VWA8: variants seen among roughly 807,000 people sequenced by gnomAD.
VWA8 encodes von Willebrand factor A domain containing 8.
In VWA8, 221 loss-of-function variants were observed where a neutral mutation model predicts 241.5. The observed-to-expected ratio is 0.91, with a 90% CI of 0.82 to 1.02. VWA8 has a LOEUF of 1.02. VWA8 is among the 50% of genes least tolerant of loss of function. The pLI, the probability that VWA8 is intolerant of heterozygous loss-of-function variation, is 0.00. For synonymous variants in VWA8, 852 were observed against 827.1 expected (o/e 1.03, Z -0.52); for missense variants, 2,322 against 2,328.7 (o/e 1.00, Z 0.06).
intron 3 of VWA8, among the ~76,000 whole-genome samples, chr13:41,908,220 C>T (rs527801703): frequency 6.6e-6 from 1 of 152,318 alleles, no homozygotes; most frequent in South Asian, 2.1e-4. Flanking sequence ...AATCCCAGCA[C>T]TTTGGGAGGC....
intron 44 of VWA8, 103 bp from the exon 45 acceptor site, chr13:41,568,408 A>G: frequency 1.2e-6 from 1 of 847,914 alleles, no homozygotes; most frequent in Non-Finnish European, 1.9e-6. Context: ...TTAGGAAAGG[A>G]AGTTTTTACT....
At chr13:41,787,626 A>ACG (rs1202638137) in intron 17 of VWA8, 83 bp from the exon 18 acceptor site, 2 of 791,792 alleles carry the variant, frequency 2.5e-6, no homozygotes, top group East Asian at 5.1e-5. Context: ...ACACACACAC[A>ACG]CACACACACA....
intron 21 of VWA8, among the ~76,000 whole-genome samples, chr13:41,737,015 T>C (rs2045531038): frequency 6.6e-6 from 1 of 151,960 alleles, no homozygotes; most frequent in South Asian, 2.1e-4. Context: ...GGCTGATTTT[T>C]GTATTCACCA....
At chr13:41,877,633 A>G (rs549770895) in intron 9 of VWA8, among the ~76,000 whole-genome samples, 26 of 152,236 alleles carry the variant, frequency 1.7e-4, no homozygotes, top group Non-Finnish European at 2.9e-4. Flanking sequence ...ACTATGGCTC[A>G]GATTACATTA....
rs557765408 is a variant in VWA8, at chr13:41,762,830, C to G, written c.2350-1626G>C. Among the ~76,000 whole-genome samples the G allele has an allele frequency of 3.4e-4, 51 of 152,164 alleles. 1 individual carries two copies. The South Asian group carries it at 0.011, about 32-fold the overall frequency. ...ATCACTATATCCCCAGAGCTCAGCA[C>G]AGTGCCTGAGAGTGCGTTCAATAAA... On this transcript the variant is annotated intron_variant, in intron 20 of 44. Transcript: ENST00000379310.
intron 9 of VWA8, among the ~76,000 whole-genome samples, chr13:41,868,881 C>T (rs1211460076): frequency 1.9e-5 from 2 of 107,592 alleles, no homozygotes; most frequent in African/African-American, 6.8e-5. Flanking sequence ...CGGCAAGACT[C>T]CGTCTCAAAA....
chr13:41,744,173 C>T (rs190305403), intron 21 of VWA8, among the ~76,000 whole-genome samples: 2 of 152,342 alleles, frequency 1.3e-5, no homozygotes, highest in East Asian at 3.9e-4. Flanking sequence ...TGAGGCCAGC[C>T]TTCAGCTAAA....
intron 37 of VWA8, among the ~76,000 whole-genome samples, chr13:41,642,919 A>G (rs2044806449): frequency 6.6e-6 from 1 of 151,764 alleles, no homozygotes; most frequent in South Asian, 2.1e-4. Flanking sequence ...ATGGAGCAAC[A>G]CTCTGACTCA....
chr13:41,609,633 T>C lies in VWA8; in HGVS notation c.4877+1943A>G, dbSNP rs932886054. On this transcript the variant is annotated intron_variant, in intron 39 of 44. Transcript: ENST00000379310. ...AGCATTAAATGAAATATTCACCAAA[T>C]GGGATGAAAGTCCCATTTCTACATG... 2.0e-5 allele frequency among the ~76,000 whole-genome samples: 3 copies of C among 152,288 alleles called. No homozygotes were observed. The East Asian group carries it at 5.8e-4, about 29-fold the overall frequency.
At chr13:41,673,887 T>C (rs17534012) in intron 36 of VWA8, among the ~76,000 whole-genome samples, 3,598 of 152,272 alleles carry the variant, frequency 0.024, 63 homozygotes, top group Middle Eastern at 0.054. Context: ...TACGGAAAGT[T>C]AAAAGAGAAA....
chr13:41,844,032 C>A (rs1345791344), intron 12 of VWA8, among the ~76,000 whole-genome samples: 1 of 152,074 alleles, frequency 6.6e-6, no homozygotes, highest in Admixed American at 6.5e-5. Flanking sequence ...AAAGACATAA[C>A]AAAGAAAGTT....
intron 40 of VWA8, among the ~76,000 whole-genome samples, chr13:41,595,889 G>A (rs138741040): frequency 1.6e-3 from 248 of 152,262 alleles, no homozygotes; most frequent in East Asian, 6.6e-3. Context: ...CAGCTTTAGC[G>A]TATACTGATG....
chr13:41,803,675 G>A (rs1870061009), intron 17 of VWA8, among the ~76,000 whole-genome samples: 1 of 152,128 alleles, frequency 6.6e-6, no homozygotes, highest in Non-Finnish European at 1.5e-5. Flanking sequence ...TGGGAATTAT[G>A]GGAGCTACAA....
chr13:41,639,623 T>A (rs1378046189), intron 37 of VWA8, among the ~76,000 whole-genome samples: 3 of 152,164 alleles, frequency 2.0e-5, no homozygotes, highest in African/African-American at 7.2e-5. Flanking sequence ...AAAGAAGAAA[T>A]GTTATCTGAT....
chr13:41,697,109 C>A (rs1412017770), intron 29 of VWA8, among the ~76,000 whole-genome samples: 1 of 152,246 alleles, frequency 6.6e-6, no homozygotes, highest in Non-Finnish European at 1.5e-5. Context: ...CCATCTTAGT[C>A]ACTGGCAACT....
chr13:41,577,697 A>G (rs1439774507), intron 42 of VWA8, among the ~76,000 whole-genome samples: 1 of 152,236 alleles, frequency 6.6e-6, no homozygotes, highest in African/African-American at 2.4e-5. Flanking sequence ...CTGGTGAAGT[A>G]ATCTGCTAAA....
chr13:41,778,452 G>C (rs1326431222), intron 19 of VWA8, among the ~76,000 whole-genome samples: 1 of 152,012 alleles, frequency 6.6e-6, no homozygotes, highest in Non-Finnish European at 1.5e-5. Context: ...ACATTGACTT[G>C]TTCTTAACCA....
rs1566485517 is a variant in VWA8 at position 41,863,455 on chromosome 13, T to TATTCA, written c.1425+2280_1425+2281insTGAAT. On this transcript the variant is annotated intron_variant, in intron 12 of 44. Coordinates refer to ENST00000379310, the MANE Select transcript of VWA8 (RefSeq NM_015058.2). ...TGTGTATATATATATATATATATATTCACACACACACACACACTATATATA... is the reference window on the plus strand; with the variant it reads ...TGTGTATATATATATATATATATATTATTCACACACACACACACACACTATATATA... Among the ~76,000 whole-genome samples the TATTCA allele has an allele frequency of 5.0e-3, 436 of 86,712 alleles. 1 individual carries two copies. Among genetic ancestry groups the TATTCA allele is most frequent in the Admixed American group, 0.012 (103 of 8,408 alleles). The allele number at this position is 86,712 out of a possible 152,430, so 56.9% of individuals were successfully genotyped here. A position where few individuals can be genotyped will look rare whatever the true frequency, so the allele number is the denominator to read the frequency against.
Position 41,885,819 on chromosome 13 carries a change from A to T in VWA8, c.975+101T>A, listed in dbSNP as rs938668573. On this transcript the variant is annotated intron_variant, in intron 8 of 44. Coordinates refer to ENST00000379310, the MANE Select transcript of VWA8 (RefSeq NM_015058.2). ...TCTCAGGCCTTACAATATTTATAGA[A>T]GAGTATGACAAAAGCAAACTGAAGT... is the stretch of plus-strand genomic sequence containing the variant. The T allele has an allele frequency of 9.1e-6, 7 of 767,528 alleles. No homozygotes were observed. In the East Asian group the frequency reaches 1.9e-4, roughly 21 times the overall value. 47.5% of individuals were successfully genotyped at this position (767,528 alleles called of 1,614,324 possible).
Sources: gnomAD v4.1 joint callset for allele counts (sites outside exome capture counted in the v4.1 genomes callset) on GRCh38, gnomAD v4.1.1 for gene constraint, MANE v1.5 for transcripts, NCBI Gene and HGNC (gene_info 2026-07-23, HGNC 2026-07-21) for gene names.